GPC5: variants seen among roughly 807,000 people sequenced by gnomAD.
GPC5 encodes glypican 5.
GPC5 carries 47 observed loss-of-function variants against 53.9 expected under a neutral mutation model. The ratio of observed to expected loss-of-function variants is 0.87; its 90% CI spans 0.69 to 1.11. The LOEUF (loss-of-function observed/expected upper bound fraction) is 1.11. Ranked by LOEUF, GPC5 falls within the 50% of genes most tolerant of loss-of-function variation. GPC5 has a pLI of 0.00. For synonymous variants in GPC5, 286 were observed against 263.3 expected, an observed-to-expected ratio of 1.09 and a Z score of -0.84; for missense variants, 748 against 713.1, an observed-to-expected ratio of 1.05 and a Z score of -0.56.
intron 7 of GPC5, among the ~76,000 whole-genome samples, chr13:92,797,489 A>T (rs1184778240): frequency 6.6e-6 from 1 of 151,870 alleles, no homozygotes; most frequent in Non-Finnish European, 1.5e-5. Flanking sequence ...TGTATTTCTT[A>T]TACAAATAGT....
At chr13:92,658,960 G>C (rs1401738838) in intron 7 of GPC5, 1 of 110,954 alleles carries the variant, frequency 9.0e-6, no homozygotes, top group Admixed American at 1.4e-4. Flanking sequence ...ACGGAGTCTC[G>C]CTCTGTCGCC....
chr13:92,664,307 T>C (rs1331930333), intron 7 of GPC5, among the ~76,000 whole-genome samples: 3 of 151,654 alleles, frequency 2.0e-5, no homozygotes, highest in African/African-American at 2.4e-5. Context: ...GGGTCTGTGG[T>C]AATATTCTAG....
chr13:91,926,382 T>C (rs945862115), intron 6 of GPC5, among the ~76,000 whole-genome samples: 2 of 132,398 alleles, frequency 1.5e-5, no homozygotes, highest in African/African-American at 6.1e-5. Flanking sequence ...AAAAAAAAAA[T>C]CTATGCAAAG....
chr13:92,458,588 G>A (rs954942342), intron 7 of GPC5, among the ~76,000 whole-genome samples: 67 of 151,944 alleles, frequency 4.4e-4, no homozygotes, highest in African/African-American at 1.5e-3. Context: ...GTGAGCTACC[G>A]TGCCCTGCCT....
At chr13:91,760,284 CAA>C (rs1338106699) in intron 5 of GPC5, among the ~76,000 whole-genome samples, 1 of 152,188 alleles carries the variant, frequency 6.6e-6, no homozygotes, top group Admixed American at 6.5e-5. Context: ...TATACAAAGT[CAA>C]GTCCTGATCA....
chr13:92,810,579 T>C (rs530291588), intron 7 of GPC5, among the ~76,000 whole-genome samples: 1 of 151,994 alleles, frequency 6.6e-6, no homozygotes, highest in African/African-American at 2.4e-5. Context: ...TTGTAATCAT[T>C]AAGCAATAAC....
intron 2 of GPC5, among the ~76,000 whole-genome samples, chr13:91,514,178 T>C (rs1442573201): frequency 6.6e-6 from 1 of 152,200 alleles, no homozygotes; most frequent in African/African-American, 2.4e-5. Context: ...GGAAAATTGT[T>C]GGGTCTTATA....
intron 1 of GPC5, among the ~76,000 whole-genome samples, chr13:91,443,356 C>G (rs1157973043): frequency 1.3e-5 from 2 of 152,118 alleles, no homozygotes; most frequent in African/African-American, 4.8e-5. Flanking sequence ...TGTGAGGGCA[C>G]AGAGAGAAGA....
At chr13:91,580,119 C>T (rs746991007) in intron 2 of GPC5, among the ~76,000 whole-genome samples, 64 of 152,290 alleles carry the variant, frequency 4.2e-4, no homozygotes, top group Non-Finnish European at 7.9e-4. Context: ...GGCGCAATCG[C>T]GGCTCACTGC....
rs1292509448 is a variant in GPC5 at position 92,348,004 on chromosome 13, C to T, written c.1561+203015C>T. Among the ~76,000 whole-genome samples the T allele has an allele frequency of 1.2e-4, 11 of 89,150 alleles. 1 individual carries two copies. Among genetic ancestry groups the T allele is most frequent in the Admixed American group, 4.4e-4 (3 of 6,788 alleles). The allele number at this position is 89,150 out of a possible 152,430, so 58.5% of individuals were successfully genotyped here. A position where few individuals can be genotyped will look rare whatever the true frequency, so the allele number is the denominator to read the frequency against. ...GGACAAAAAATTGGAAAGGTCAAAG[C>T]ATACCACTTCTTAAAAAAAAAAAAA... is the stretch of plus-strand genomic sequence containing the variant. On this transcript the variant is annotated intron_variant, in intron 7 of 7. Coordinates refer to ENST00000377067, the MANE Select transcript of GPC5 (RefSeq NM_004466.6).
intron 7 of GPC5, among the ~76,000 whole-genome samples, chr13:92,539,998 C>A (rs1881881369): frequency 6.6e-6 from 1 of 151,864 alleles, no homozygotes; most frequent in African/African-American, 2.4e-5. Flanking sequence ...CAAACATTTT[C>A]TTTAAGAATG....
chr13:91,620,207 C>A (rs1259558040), intron 2 of GPC5, among the ~76,000 whole-genome samples: 2 of 152,058 alleles, frequency 1.3e-5, no homozygotes, highest in African/African-American at 2.4e-5. Flanking sequence ...AATCACCATG[C>A]AACTTATTTC....
intron 7 of GPC5, among the ~76,000 whole-genome samples, chr13:92,228,945 GA>G (rs1026570617): frequency 6.6e-6 from 1 of 151,822 alleles, no homozygotes; most frequent in African/African-American, 2.4e-5. Context: ...AATACATTTG[GA>G]AAAAATAATG....
intron 6 of GPC5, among the ~76,000 whole-genome samples, chr13:92,097,295 G>C (rs960132038): frequency 2.0e-5 from 3 of 152,174 alleles, no homozygotes; most frequent in African/African-American, 7.2e-5. Flanking sequence ...GCTGCTTCTA[G>C]TAAAATGCAG....
At chr13:92,075,321 A>AT (rs1289379409) in intron 6 of GPC5, among the ~76,000 whole-genome samples, 1 of 152,230 alleles carries the variant, frequency 6.6e-6, no homozygotes, top group Non-Finnish European at 1.5e-5. Flanking sequence ...ACAGTTTACT[A>AT]AAGAGGATAA....
chr13:91,441,425 A>G (rs1316393730), intron 1 of GPC5, among the ~76,000 whole-genome samples: 1 of 152,202 alleles, frequency 6.6e-6, no homozygotes, highest in Middle Eastern at 3.2e-3. Context: ...TTGCTGTTGT[A>G]TTGGCTAGAT....
intron 1 of GPC5, among the ~76,000 whole-genome samples, chr13:91,433,272 C>T: frequency 6.6e-6 from 1 of 150,872 alleles, no homozygotes; most frequent in East Asian, 2.0e-4. Flanking sequence ...CATATGTATA[C>T]ATGTGCCATG....
At chr13:91,701,006 G>A (rs2035979894) in intron 3 of GPC5, among the ~76,000 whole-genome samples, 2 of 152,100 alleles carry the variant, frequency 1.3e-5, no homozygotes, top group African/African-American at 4.8e-5. Context: ...GGCTACTTTT[G>A]TGGGGTAAAT....
intron 5 of GPC5, among the ~76,000 whole-genome samples, chr13:91,780,479 C>T: frequency 6.6e-6 from 1 of 152,096 alleles, no homozygotes; most frequent in East Asian, 1.9e-4. Flanking sequence ...CTTCCTCACT[C>T]TCCCTTCCTT....
Sources: gnomAD v4.1 joint callset for allele counts (sites outside exome capture counted in the v4.1 genomes callset) on GRCh38, gnomAD v4.1.1 for gene constraint, MANE v1.5 for transcripts, NCBI Gene and HGNC (gene_info 2026-07-23, HGNC 2026-07-21) for gene names.